Variants in CDH19 observed in about 807,000 individuals in gnomAD.
CDH19 encodes cadherin-19.
A neutral mutation model predicts 64.2 loss-of-function variants in CDH19; 67 were observed. The ratio of observed to expected loss-of-function variants is 1.04; its 90% CI spans 0.86 to 1.28. CDH19 has a LOEUF of 1.28. Among genes scored for constraint, CDH19 ranks in the 50% most tolerant of loss-of-function variants. CDH19 has a pLI of 0.00. For missense variants in CDH19, 1,030 were observed against 929.0 expected, an observed-to-expected ratio of 1.11 and a Z score of -1.41; for synonymous variants, 346 against 319.3, an observed-to-expected ratio of 1.08 and a Z score of -0.89.
chr18:66,598,421 A>G (rs1988958583), intron 1 of CDH19, among the ~76,000 whole-genome samples: 1 of 152,192 alleles, frequency 6.6e-6, no homozygotes, highest in Non-Finnish European at 1.5e-5. Context: ...CACAATAGGA[A>G]AGACATGGAA....
intron 3 of CDH19, among the ~76,000 whole-genome samples, chr18:66,555,756 G>A (rs933527562): frequency 6.6e-6 from 1 of 151,688 alleles, no homozygotes; most frequent in Non-Finnish European, 1.5e-5. Flanking sequence ...ATAGTTAACA[G>A]GGACCATCAC....
Position 66,544,812 on chromosome 18 carries a change from T to C in CDH19, c.867A>G (p.Ala289=). The C allele has an allele frequency of 6.2e-7, 1 of 1,610,824 alleles. No individual in the cohort carries two copies. The highest frequency in any genetic ancestry group is 8.5e-7 in the Non-Finnish European group (1 of 1,177,002). The part of the protein sequence containing the change: ...MAYDNDIGEN[A]EMDYSIEEDD... The stretch of plus-strand genomic sequence containing the variant: ...CCTCTTCAATGCTGTAATCCATTTC[T>C]GCATTCTCTCCTATGTCATTATCAT... Residue 289 remains alanine, a synonymous_variant, in exon 6 of 12, where the codon GCA becomes GCG. Coordinates refer to ENST00000262150, the MANE Select transcript of CDH19 (RefSeq NM_021153.4).
At chr18:66,590,087 C>G (rs554422016) in intron 1 of CDH19, among the ~76,000 whole-genome samples, 1 of 152,010 alleles carries the variant, frequency 6.6e-6, no homozygotes, top group Admixed American at 6.6e-5. Context: ...CCCTCAATTT[C>G]AGGGAAATTG....
intron 3 of CDH19, among the ~76,000 whole-genome samples, chr18:66,562,866 A>C (rs925600408): frequency 6.6e-6 from 1 of 152,156 alleles, no homozygotes; most frequent in Admixed American, 6.5e-5. Context: ...ATAATAATTT[A>C]TCCAAACATC....
At chr18:66,569,082 G>C (rs1384657493) in intron 2 of CDH19, among the ~76,000 whole-genome samples, 1 of 151,522 alleles carries the variant, frequency 6.6e-6, no homozygotes, top group Admixed American at 6.6e-5. Context: ...CCTTGAGATA[G>C]ATAGAAAGAC....
intron 3 of CDH19, among the ~76,000 whole-genome samples, chr18:66,554,999 A>G (rs556385966): frequency 6.6e-6 from 1 of 151,972 alleles, no homozygotes; most frequent in African/African-American, 2.4e-5. Context: ...AGTTGAGGAT[A>G]AGGATGGGCA....
chr18:66,598,700 G>A (rs182951893), intron 1 of CDH19, among the ~76,000 whole-genome samples: 197 of 152,146 alleles, frequency 1.3e-3, no homozygotes, highest in African/African-American at 4.6e-3. Flanking sequence ...GGTGAGGAGA[G>A]GGCGAGAATC....
intron 1 of CDH19, among the ~76,000 whole-genome samples, chr18:66,585,809 AT>A (rs1319810928): frequency 2.6e-5 from 4 of 151,858 alleles, no homozygotes; most frequent in Non-Finnish European, 4.4e-5. Flanking sequence ...GAATGTCATT[AT>A]TTTTTTTCTA....
In CDH19 at chr18:66,544,894, C is replaced by T. The variant is rs891270478; in HGVS notation, c.785G>A (p.Arg262His). 5.1e-6 allele frequency: 8 copies of T among 1,575,740 alleles called. No homozygotes were observed. The highest frequency in any genetic ancestry group is 4.5e-5 in the East Asian group (2 of 44,104). ...NKPIFKESLY[R>H]LTVSESAPTG... ...GGGTGCAGATTCAGAGACAGTCAAG[C>T]GGTATAAACCTTTAAAAACAAAATT... Residue 262 changes from arginine (R) to histidine (H), a missense_variant, in exon 6 of 12, where the codon CGC (arginine) becomes CAC (histidine). Physicochemically the swap from Arg to His is conservative, Grantham distance 29. Coordinates refer to ENST00000262150, the MANE Select transcript of CDH19 (RefSeq NM_021153.4).
chr18:66,535,221 T>C (rs141412486), intron 7 of CDH19, 114 bp from the exon 8 acceptor site: 1 of 493,690 alleles, frequency 2.0e-6, no homozygotes, highest in Non-Finnish European at 3.3e-6. Flanking sequence ...ACATAGCCAA[T>C]ATATAATACC....
intron 8 of CDH19, among the ~76,000 whole-genome samples, chr18:66,534,040 T>G (rs1048382296): frequency 2.0e-5 from 3 of 151,610 alleles, no homozygotes; most frequent in African/African-American, 7.3e-5. Flanking sequence ...AGAAAAAAAA[T>G]GAAAATTTGT....
chr18:66,543,973 G>A lies in CDH19; in HGVS notation c.1212C>T (p.Ile404=). ...CAAAACTGACCTTACAGACATACCT[G>A]ATAGGAGATTTCCTATTGTCTGGGT... ...ATDPDNRKSP[I]RYSITRSKVF... The change falls in exon 7 of 12, where the codon ATC becomes ATT. Residue 404 remains isoleucine, a splice_region_variant and synonymous_variant. Coordinates refer to ENST00000262150, the MANE Select transcript of CDH19 (RefSeq NM_021153.4). The A allele has an allele frequency of 1.9e-6, 3 of 1,607,418 alleles. No individual in the cohort carries two copies. Among genetic ancestry groups the A allele is most frequent in the Non-Finnish European group, 2.6e-6 (3 of 1,174,990 alleles).
intron 9 of CDH19, among the ~76,000 whole-genome samples, chr18:66,519,417 A>G (rs1277032417): frequency 6.6e-6 from 1 of 152,114 alleles, no homozygotes; most frequent in African/African-American, 2.4e-5. Flanking sequence ...TGAAATGAGG[A>G]GATTAGTATT....
chr18:66,521,916 C>CTGTTTTTGTTGTTGT lies in CDH19; in HGVS notation c.1458+7928_1458+7929insACAACAACAAAAACA, dbSNP rs775775092. ...TACAGGGTTTATGTAGTTACTTGTT[C>CTGTTTTTGTTGTTGT]TGTTGTTGTTGTTGTTGTTGTTGTT... On this transcript the variant is annotated intron_variant, in intron 9 of 11. Transcript: ENST00000262150. 3.0e-4 allele frequency among the ~76,000 whole-genome samples: 34 copies of CTGTTTTTGTTGTTGT among 111,514 alleles called. 2 individuals carry two copies. Among genetic ancestry groups the CTGTTTTTGTTGTTGT allele is most frequent in the South Asian group, 1.3e-3 (4 of 3,090 alleles). 73.2% of individuals were successfully genotyped at this position (111,514 alleles called of 152,430 possible).
chr18:66,569,924 G>A (rs545032656), intron 2 of CDH19, among the ~76,000 whole-genome samples: 81 of 151,646 alleles, frequency 5.3e-4, no homozygotes, highest in African/African-American at 1.6e-3. Flanking sequence ...CTTTCTTTGC[G>A]GTTGTGGAGA....
chr18:66,558,881 T>G (rs554392288), intron 3 of CDH19, among the ~76,000 whole-genome samples: 23 of 152,168 alleles, frequency 1.5e-4, no homozygotes, highest in East Asian at 3.9e-4. Context: ...GTCTGTAATA[T>G]CAGAACTGTG....
Position 66,511,664 on chromosome 18 carries a change from C to G in CDH19, c.1480G>C (p.Val494Leu). The part of the protein sequence containing the change: ...SGQVIQTISA[V>L]DRDESIEEHH... The stretch of plus-strand genomic sequence containing the variant: ...TCTTCTATGGATTCATCTCTATCCA[C>G]TGCACTGATAGTCTGAATTACCTAA... Residue 494 changes from valine (V) to leucine (L), a missense_variant, in exon 10 of 12, where the codon GTG (valine) becomes CTG (leucine). By Grantham distance (32) the Val-to-Leu change is conservative. Coordinates refer to ENST00000262150, the MANE Select transcript of CDH19 (RefSeq NM_021153.4). 16 of 1,555,042 alleles carry G rather than the reference C, an allele frequency of 1.0e-5. No homozygotes were observed. Among genetic ancestry groups the G allele is most frequent in the Non-Finnish European group, 1.4e-5 (16 of 1,129,356 alleles).
In CDH19 at chr18:66,554,527, A is replaced by T. The variant is rs1446477926; in HGVS notation, c.491-3T>A. 1.6e-5 allele frequency: 26 copies of T among 1,609,098 alleles called. No individual in the cohort carries two copies. The highest frequency in any genetic ancestry group is 2.1e-5 in the Non-Finnish European group (25 of 1,176,688). ...TGTCACCTGGATAACTAATGTTCCT[A>T]AAGAGAACATAATACAGGAAATTAA... On this transcript the variant is annotated splice_polypyrimidine_tract_variant and splice_region_variant and intron_variant, in intron 3 of 11. Coordinates refer to ENST00000262150, the MANE Select transcript of CDH19 (RefSeq NM_021153.4).
intron 9 of CDH19, among the ~76,000 whole-genome samples, chr18:66,516,653 A>C (rs1368749949): frequency 6.6e-6 from 1 of 152,026 alleles, no homozygotes; most frequent in Non-Finnish European, 1.5e-5. Flanking sequence ...AGTCTTACCT[A>C]ATAAATATAA....
Sources: allele counts gnomAD v4.1 joint callset (sites outside exome capture counted in the v4.1 genomes callset), GRCh38; gene constraint gnomAD v4.1.1; transcripts MANE v1.5; gene names NCBI Gene and HGNC (gene_info 2026-07-23, HGNC 2026-07-21).